PLSCR1: variants seen among roughly 807,000 people sequenced by gnomAD.
PLSCR1 encodes phospholipid scramblase 1, also known as PL scramblase 1.
PLSCR1 carries 17 observed loss-of-function variants against 37.8 expected under a neutral mutation model. The ratio of observed to expected loss-of-function variants is 0.45; its 90% CI spans 0.31 to 0.68. The LOEUF (loss-of-function observed/expected upper bound fraction) is 0.68, where lower values mean the gene tolerates loss of function less well. Among genes scored for constraint, PLSCR1 ranks in the 30% least tolerant of loss-of-function variants. The pLI, the probability that PLSCR1 is intolerant of heterozygous loss-of-function variation, is 0.06. For missense variants in PLSCR1, 347 were observed against 380.9 expected (o/e 0.91, Z 0.74); for synonymous variants, 116 against 125.9 (o/e 0.92, Z 0.53).
Position 146,525,383 on chromosome 3 carries a change from A to G in PLSCR1, c.355+222T>C, listed in dbSNP as rs572422835. 2.5e-5 allele frequency: 12 copies of G among 471,920 alleles called. 1 individual carries two copies. Among genetic ancestry groups the G allele is most frequent in the Middle Eastern group, 5.6e-4 (1 of 1,774 alleles). 29.2% of individuals were successfully genotyped at this position (471,920 alleles called of 1,614,324 possible). On this transcript the variant is annotated intron_variant, in intron 5 of 8. Coordinates refer to ENST00000342435, the MANE Select transcript of PLSCR1 (RefSeq NM_021105.3). ...TAAGGGTTTTGATTATTTTCCTTCTAAGTTAGTGTCAATATCCCGAGGGCA... is the reference window on the plus strand; with the variant it reads ...TAAGGGTTTTGATTATTTTCCTTCTGAGTTAGTGTCAATATCCCGAGGGCA...
chr3:146,529,548 T>C (rs2044167380), intron 3 of PLSCR1, among the ~76,000 whole-genome samples: 1 of 151,696 alleles, frequency 6.6e-6, no homozygotes, highest in Non-Finnish European at 1.5e-5. Flanking sequence ...AGTCTTGCTC[T>C]GTCGCCCAGG....
At chr3:146,533,832 A>C (rs1448361030) in intron 2 of PLSCR1, among the ~76,000 whole-genome samples, 1 of 152,214 alleles carries the variant, frequency 6.6e-6, no homozygotes, top group South Asian at 2.1e-4. Context: ...GTTCAGTTCC[A>C]TGTTTTGTTG....
chr3:146,532,948 A>G (rs2044218654), intron 3 of PLSCR1, among the ~76,000 whole-genome samples: 1 of 152,192 alleles, frequency 6.6e-6, no homozygotes, highest in Non-Finnish European at 1.5e-5. Flanking sequence ...TTTCATATAC[A>G]TTATAAAATT....
chr3:146,544,045 T>C (rs985301325), intron 1 of PLSCR1, among the ~76,000 whole-genome samples: 2 of 152,132 alleles, frequency 1.3e-5, no homozygotes, highest in African/African-American at 4.8e-5. Context: ...TTCCTTCTAA[T>C]AGCCCCACTA....
intron 7 of PLSCR1, among the ~76,000 whole-genome samples, chr3:146,521,028 T>C (rs111382265): frequency 0.041 from 6,222 of 152,120 alleles, 202 homozygotes; most frequent in Admixed American, 0.091. Context: ...TAATTTAATA[T>C]AGGGAAAAGG....
At chr3:146,541,962 A>G (rs2044343123) in intron 1 of PLSCR1, among the ~76,000 whole-genome samples, 1 of 152,174 alleles carries the variant, frequency 6.6e-6, no homozygotes, top group African/African-American at 2.4e-5. Flanking sequence ...AGACCCTCAC[A>G]AGATGCTGGT....
At chr3:146,522,155 C>T (rs2044032212) in intron 5 of PLSCR1, 102 bp from the exon 6 acceptor site, 1 of 729,996 alleles carries the variant, frequency 1.4e-6, no homozygotes, top group Admixed American at 2.1e-5. Flanking sequence ...GATGATACCC[C>T]AAGTGGCATA....
At chr3:146,519,654 C>A (rs1012936700) in intron 7 of PLSCR1, among the ~76,000 whole-genome samples, 7 of 152,072 alleles carry the variant, frequency 4.6e-5, no homozygotes, top group Non-Finnish European at 1.0e-4. Flanking sequence ...TAATTCAAGT[C>A]ATTAACTTCC....
At chr3:146,521,195 T>A (rs1231528244) in intron 7 of PLSCR1, among the ~76,000 whole-genome samples, 1 of 152,172 alleles carries the variant, frequency 6.6e-6, no homozygotes, top group African/African-American at 2.4e-5. Context: ...TTAAGAAGGA[T>A]CCATATGCTT....
At chr3:146,516,907 A>C (rs750196061) in intron 8 of PLSCR1, 99 bp downstream of exon 8, 51 of 830,896 alleles carry the variant, frequency 6.1e-5, no homozygotes, top group Non-Finnish European at 8.9e-5. Flanking sequence ...AAAATCTATA[A>C]ATTTTAAAAT....
At chr3:146,544,314 A>AC (rs2044376527) in intron 1 of PLSCR1, among the ~76,000 whole-genome samples, 153 bp downstream of exon 1, 2 of 151,158 alleles carry the variant, frequency 1.3e-5, no homozygotes, top group African/African-American at 4.9e-5. Context: ...CACATCCTCC[A>AC]CCCCCAGAGC....
chr3:146,532,564 G>A (rs1267012844), intron 3 of PLSCR1, among the ~76,000 whole-genome samples: 2 of 152,148 alleles, frequency 1.3e-5, no homozygotes, highest in Non-Finnish European at 2.9e-5. Context: ...ATGAGATCCG[G>A]GACCCGCAGG....
intron 1 of PLSCR1, among the ~76,000 whole-genome samples, chr3:146,537,423 C>G (rs1365667657): frequency 6.6e-6 from 1 of 152,178 alleles, no homozygotes; most frequent in Non-Finnish European, 1.5e-5. Flanking sequence ...CTAACACAAA[C>G]TGCCCATCCC....
chr3:146,520,871 T>C lies in PLSCR1; in HGVS notation c.738+673A>G, dbSNP rs576283022. On this transcript the variant is annotated intron_variant, in intron 7 of 8. Transcript: ENST00000342435. ...GAAACAAGAAATCAAGATTAAGTTA[T>C]AAAACCTTCTGATTTTTAAACATTT... 2.2e-4 allele frequency among the ~76,000 whole-genome samples: 33 copies of C among 152,302 alleles called. No homozygotes were observed. The South Asian group carries it at 6.8e-3, about 32-fold the overall frequency.
chr3:146,527,559 T>C (rs1166299657), intron 4 of PLSCR1, among the ~76,000 whole-genome samples: 1 of 151,984 alleles, frequency 6.6e-6, no homozygotes, highest in Admixed American at 6.6e-5. Flanking sequence ...TCAAAGAGAT[T>C]TTTTTTTACA....
intron 1 of PLSCR1, chr3:146,537,911 A>T (rs985177650): frequency 2.0e-5 from 3 of 151,968 alleles, no homozygotes; most frequent in African/African-American, 7.3e-5. Context: ...TGTTTTGATT[A>T]TTGCCAACTT....
chr3:146,538,711 T>C (rs2044298252), intron 1 of PLSCR1, among the ~76,000 whole-genome samples: 1 of 152,062 alleles, frequency 6.6e-6, no homozygotes, highest in African/African-American at 2.4e-5. Context: ...AAGTTTTTAT[T>C]TTTTATTTTT....
At chr3:146,525,544 G>T (rs2044095650) in intron 5 of PLSCR1, 61 bp downstream of exon 5, 1 of 829,222 alleles carries the variant, frequency 1.2e-6, no homozygotes, top group Non-Finnish European at 2.1e-6. Context: ...AGGTCAATGT[G>T]CCTTTATCTG....
intron 2 of PLSCR1, among the ~76,000 whole-genome samples, chr3:146,534,927 G>A (rs1029933107): frequency 3.3e-5 from 5 of 151,990 alleles, no homozygotes; most frequent in Non-Finnish European, 1.5e-5. Flanking sequence ...AAAAACAAAT[G>A]AGGACTTTTC....
Sources: gnomAD v4.1 joint callset for allele counts (sites outside exome capture counted in the v4.1 genomes callset) on GRCh38, gnomAD v4.1.1 for gene constraint, MANE v1.5 for transcripts, NCBI Gene and HGNC (gene_info 2026-07-23, HGNC 2026-07-21) for gene names.